Variants in GRM4 observed in about 807,000 individuals in gnomAD.
The protein encoded by GRM4 is metabotropic glutamate receptor 4.
GRM4 carries 28 observed loss-of-function variants against 81.7 expected under a neutral mutation model. The ratio of observed to expected loss-of-function variants is 0.34; its 90% CI spans 0.25 to 0.47. The LOEUF is 0.47. Among genes scored for constraint, GRM4 ranks in the 20% least tolerant of loss-of-function variants. The pLI, the probability that GRM4 is intolerant of heterozygous loss-of-function variation, is 1.00. For synonymous variants in GRM4, 488 were observed against 528.8 expected (o/e 0.92, Z 1.06); for missense variants, 948 against 1,290.0 (o/e 0.73, Z 4.06).
chr6:34,088,121 C>T (rs9380403), intron 3 of GRM4, among the ~76,000 whole-genome samples: 123,871 of 151,912 alleles, frequency 0.82, 50,778 homozygotes, highest in South Asian at 0.87. Context: ...GCCAGGAGCA[C>T]GTTTCACTCC....
intron 1 of GRM4, among the ~76,000 whole-genome samples, chr6:34,134,295 G>C (rs1770367578): frequency 6.6e-6 from 1 of 152,230 alleles, no homozygotes; most frequent in Admixed American, 6.5e-5. Context: ...GGAGTGTGCA[G>C]TTTAATTACA....
chr6:34,136,822 G>A lies in GRM4; in HGVS notation c.-363-2963C>T, dbSNP rs1377784570. 1.3e-5 allele frequency among the ~76,000 whole-genome samples: 2 copies of A among 152,056 alleles called. No homozygotes were observed. The highest frequency in any genetic ancestry group is 2.9e-5 in the Non-Finnish European group (2 of 68,014). On this transcript the variant is annotated intron_variant, in intron 1 of 10. Transcript: ENST00000538487. The surrounding 1 kb of genome is among the most constrained non-coding windows in gnomAD (Gnocchi z 4.1). The stretch of plus-strand genomic sequence containing the variant: ...TGAGCTTCTCCAGAGAGCTGGGCAA[G>A]CCACTGCCTCTTTTAGCTTCCCCTC...
Position 34,056,657 on chromosome 6 carries a change from G to A in GRM4, c.1055C>T (p.Thr352Met), listed in dbSNP as rs1240932486. The change falls in exon 6 of 11, where the codon ACG becomes ATG. Residue 352 changes from threonine (T) to methionine (M), a missense_variant. Transcript: ENST00000538487. ...GATGTTGCGCCGGTTGTTGTCCAGC[G>A]TGCGGCTGGAGAAGTAGCGGTCGAA... ...RGFDRYFSSR[T>M]LDNNRRNIWF... is the part of the protein sequence containing the mutation. 3.1e-6 allele frequency: 5 copies of A among 1,613,494 alleles called. No individual in the cohort carries two copies. The highest frequency in any genetic ancestry group is 1.7e-5 in the Admixed American group (1 of 59,984).
chr6:34,074,755 C>A lies in GRM4; in HGVS notation c.737-12727G>T, dbSNP rs1237342958. Among the ~76,000 whole-genome samples, 1 of 152,132 alleles carries A rather than the reference C, an allele frequency of 6.6e-6. No individual in the cohort carries two copies. Among genetic ancestry groups the A allele is most frequent in the African/African-American group, 2.4e-5 (1 of 41,416 alleles). ...CAAAACACCTTTGAAGCGAGAAAGG[C>A]GGAAAAATAATAGAAAAGGGAAGCC... is the stretch of plus-strand genomic sequence containing the variant. On this transcript the variant is annotated intron_variant, in intron 3 of 10. Transcript: ENST00000538487. The surrounding 1 kb of genome is among the most constrained non-coding windows in gnomAD (Gnocchi z 4.9).
At chr6:34,127,738 A>G (rs1424620941) in intron 2 of GRM4, among the ~76,000 whole-genome samples, 1 of 151,648 alleles carries the variant, frequency 6.6e-6, no homozygotes, top group African/African-American at 2.4e-5. Context: ...TGGAGCCTGC[A>G]GGGTGAGCTG....
chr6:34,119,740 A>G (rs1769730972), intron 2 of GRM4, among the ~76,000 whole-genome samples: 1 of 152,242 alleles, frequency 6.6e-6, no homozygotes, highest in African/African-American at 2.4e-5. Flanking sequence ...CAGGGGCACT[A>G]CGCAGCCACA....
Position 34,022,477 on chromosome 6 carries a change from G to A in GRM4, c.*344C>T. On this transcript the variant is annotated 3_prime_UTR_variant, in exon 11 of 11. Coordinates refer to ENST00000538487, the MANE Select transcript of GRM4 (RefSeq NM_000841.4). This position sits in a 1 kb window ranked among gnomAD's most constrained non-coding sequence, Gnocchi z 5.6. The stretch of plus-strand genomic sequence containing the variant: ...AAAGACAGGGCTGGAGACAGACAGA[G>A]GGGTCGCCAACAGCACAGACAGAGA... 6.0e-6 allele frequency: 2 copies of A among 334,018 alleles called. No individual in the cohort carries two copies. The highest frequency in any genetic ancestry group is 1.1e-5 in the Non-Finnish European group (2 of 180,024). The allele number at this position is 334,018 out of a possible 1,614,324, so 20.7% of individuals were successfully genotyped here.
rs144509242 is a variant in GRM4, at chr6:34,033,678, T to C, written c.2442+1990A>G. On this transcript the variant is annotated intron_variant, in intron 9 of 10. Transcript: ENST00000538487. The stretch of plus-strand genomic sequence containing the variant: ...CTCTTTCTTTCTCTCTCTTTCTTTC[T>C]CTTTCTCTCTCTCTCTCTCTTTCTC... Among the ~76,000 whole-genome samples, 736 of 146,308 alleles carry C rather than the reference T, an allele frequency of 5.0e-3. 5 individuals are homozygous for C. Among genetic ancestry groups the C allele is most frequent in the African/African-American group, 0.016 (636 of 40,394 alleles).
At chr6:34,146,318 C>T (rs1770930576), upstream of GRM4, among the ~76,000 whole-genome samples, 1 of 152,176 alleles carries the variant, frequency 6.6e-6, no homozygotes. Context: ...GCCCCCTTAC[C>T]ACCTCAAAAC....
At chr6:34,082,417 T>C (rs1007774825) in intron 3 of GRM4, among the ~76,000 whole-genome samples, 1 of 152,188 alleles carries the variant, frequency 6.6e-6, no homozygotes, top group Admixed American at 6.5e-5. Context: ...TGACCCTCCA[T>C]GTGGCAAAGT....
At chr6:34,045,830 G>A (rs1765336959) in intron 6 of GRM4, among the ~76,000 whole-genome samples, 2 of 150,270 alleles carry the variant, frequency 1.3e-5, no homozygotes, top group South Asian at 4.1e-4. Context: ...ACAAATTCCA[G>A]ACACATGGCA....
chr6:34,101,027 A>G (rs945055683), intron 2 of GRM4, among the ~76,000 whole-genome samples: 1 of 152,224 alleles, frequency 6.6e-6, no homozygotes, highest in African/African-American at 2.4e-5. Flanking sequence ...ATGCTGACAG[A>G]CACAGGGAGC....
chr6:34,079,466 T>C (rs1295414602), intron 3 of GRM4, among the ~76,000 whole-genome samples: 1 of 152,180 alleles, frequency 6.6e-6, no homozygotes, highest in Admixed American at 6.5e-5. Context: ...CATCGTTGCA[T>C]TCAGACCTGC....
At chr6:34,149,123 A>C (rs1485828762), upstream of GRM4, among the ~76,000 whole-genome samples, 1 of 151,882 alleles carries the variant, frequency 6.6e-6, no homozygotes, top group Admixed American at 6.6e-5. Context: ...CTCCCTGGTG[A>C]GGGAAAGCAA....
At chr6:34,081,225 T>C (rs951737307) in intron 3 of GRM4, among the ~76,000 whole-genome samples, 4 of 152,248 alleles carry the variant, frequency 2.6e-5, no homozygotes, top group African/African-American at 9.6e-5. Context: ...GGCAAGCTCC[T>C]GGGCACCCTG....
intron 10 of GRM4, among the ~76,000 whole-genome samples, chr6:34,023,963 TG>T (rs1478515675): frequency 2.6e-5 from 4 of 152,192 alleles, no homozygotes; most frequent in Non-Finnish European, 4.4e-5. Context: ...TCTGCGAGTC[TG>T]GAGAGAAGCA....
intron 2 of GRM4, among the ~76,000 whole-genome samples, chr6:34,124,656 T>G (rs1769950061): frequency 6.6e-6 from 1 of 152,236 alleles, no homozygotes; most frequent in Non-Finnish European, 1.5e-5. Context: ...ATGAGGCTTC[T>G]CTAAACTCCC....
At position 34,064,268 on chromosome 6, in the gene GRM4, G is replaced by C. The variant is rs369630931; in HGVS notation, c.737-2240C>G. ...CATTTATGGAGTGTCCAATGCATGGGAAATGCTATTCTGCAAATTTTACAT... is the reference window on the plus strand; with the variant it reads ...CATTTATGGAGTGTCCAATGCATGGCAAATGCTATTCTGCAAATTTTACAT... On this transcript the variant is annotated intron_variant, in intron 3 of 10. Transcript: ENST00000538487. This position sits in a 1 kb window ranked among gnomAD's most constrained non-coding sequence, Gnocchi z 4.4. Among the ~76,000 whole-genome samples, 1 of 152,262 alleles carries C rather than the reference G, an allele frequency of 6.6e-6. No homozygotes were observed. The highest frequency in any genetic ancestry group is 1.9e-4 in the East Asian group (1 of 5,182).
intron 6 of GRM4, among the ~76,000 whole-genome samples, chr6:34,044,185 CATATATACACACACATATAT>C (rs1562020465): frequency 5.4e-5 from 8 of 147,728 alleles, no homozygotes; most frequent in Admixed American, 2.0e-4. Context: ...CATACATACA[CATATATACACACACATATAT>C]ATACATACAT....
Sources: gnomAD v4.1 joint callset for allele counts (sites outside exome capture counted in the v4.1 genomes callset) on GRCh38, gnomAD v4.1.1 for gene constraint, Gnocchi (gnomAD v3.1) non-coding constraint, MANE v1.5 for transcripts, NCBI Gene and HGNC (gene_info 2026-07-23, HGNC 2026-07-21) for gene names.